Variants in SCG5 observed in about 807,000 individuals in gnomAD.
The protein encoded by SCG5 is neuroendocrine protein 7B2.
SCG5 carries 18 observed loss-of-function variants against 25.7 expected under a neutral mutation model. The ratio of observed to expected loss-of-function variants is 0.70; its 90% CI spans 0.48 to 1.04. The LOEUF (loss-of-function observed/expected upper bound fraction) is 1.04. SCG5 is among the 50% of genes least tolerant of loss of function. SCG5 has a pLI of 0.00. For synonymous variants in SCG5, 101 were observed against 91.7 expected (o/e 1.10, Z -0.58); for missense variants, 206 against 259.8 (o/e 0.79, Z 1.42).
In SCG5 at chr15:32,691,895, C is replaced by T; in HGVS notation, c.543+132C>T. On this transcript the variant is annotated intron_variant, in intron 5 of 5. Transcript: ENST00000300175. Reference sequence around the variant, plus strand: ...TGTGTAGTCCTGAGAAACACTGGTCCATGTGACAAGGGCCACACCCAGAAA... The same window carrying T: ...TGTGTAGTCCTGAGAAACACTGGTCTATGTGACAAGGGCCACACCCAGAAA... 3.3e-6 allele frequency: 5 copies of T among 1,501,604 alleles called. No homozygotes were observed. In the South Asian group the frequency reaches 5.2e-5, roughly 16 times the overall value. 93.0% of individuals were successfully genotyped at this position (1,501,604 alleles called of 1,614,324 possible). A position where few individuals can be genotyped will look rare whatever the true frequency, so the allele number is the denominator to read the frequency against.
chr15:32,678,927 C>T (rs546960216), intron 2 of SCG5, among the ~76,000 whole-genome samples: 6 of 152,266 alleles, frequency 3.9e-5, no homozygotes, highest in Middle Eastern at 3.4e-3. Flanking sequence ...TAAAAAGATA[C>T]GTAGCAACAA....
intron 4 of SCG5, among the ~76,000 whole-genome samples, chr15:32,689,572 G>C (rs543985356): frequency 6.6e-6 from 1 of 152,252 alleles, no homozygotes; most frequent in Non-Finnish European, 1.5e-5. Context: ...TACTCACATG[G>C]AAAACAGGCT....
intron 5 of SCG5, among the ~76,000 whole-genome samples, chr15:32,694,558 A>C (rs947321552): frequency 6.6e-6 from 1 of 152,258 alleles, no homozygotes; most frequent in Non-Finnish European, 1.5e-5. Flanking sequence ...TTAACATATT[A>C]GAATTTTTGG....
chr15:32,657,206 T>TATAC, intron 2 of SCG5, among the ~76,000 whole-genome samples: 1 of 74,930 alleles, frequency 1.3e-5, no homozygotes, highest in African/African-American at 5.3e-5. Flanking sequence ...CCTGTATATA[T>TATAC]ATATATGTAT....
intron 2 of SCG5, among the ~76,000 whole-genome samples, chr15:32,663,113 CA>C (rs1416751307): frequency 8.3e-6 from 1 of 120,560 alleles, no homozygotes. Flanking sequence ...CATATGTATA[CA>C]TATATACATA....
At position 32,684,583 on chromosome 15, in the gene SCG5, C is replaced by T; in HGVS notation, c.403C>T (p.Pro135Ser). 1.2e-6 allele frequency: 2 copies of T among 1,613,400 alleles called. No homozygotes were observed. Among genetic ancestry groups the T allele is most frequent in the Non-Finnish European group, 1.7e-6 (2 of 1,179,542 alleles). Residue 135 changes from proline (P) to serine (S), a missense_variant, in exon 4 of 6, where the codon CCT becomes TCT. Physicochemically the swap from Pro to Ser is moderately conservative, Grantham distance 74 (BLOSUM62 -1). Transcript: ENST00000300175. ...AGATGATGGATGTCTAGAAAACACCCCTGACACTGCAGAGTTCAGTCGAGA... is the reference window on the plus strand; with the variant it reads ...AGATGATGGATGTCTAGAAAACACCTCTGACACTGCAGAGTTCAGTCGAGA... ...TADDGCLENT[P>S]DTAEFSREFQ...
intron 2 of SCG5, among the ~76,000 whole-genome samples, chr15:32,674,717 C>T (rs560889165): frequency 1.2e-3 from 178 of 152,318 alleles, no homozygotes; most frequent in African/African-American, 4.0e-3. Context: ...TTGATCAGGT[C>T]TCCAAGGCCA....
rs140231121 is a variant in SCG5, at chr15:32,661,058, T to C, written c.226+17240T>C. On this transcript the variant is annotated intron_variant, in intron 2 of 5. Transcript: ENST00000300175. ...AAGCAAATATTTATTTTGTATCTAC[T>C]ATGTGCCAAACACTTTATGTATTGT... Among the ~76,000 whole-genome samples, 595 of 152,350 alleles carry C rather than the reference T, an allele frequency of 3.9e-3. 3 individuals are homozygous for C. The highest frequency in any genetic ancestry group is 4.0e-3 in the Non-Finnish European group (275 of 68,026).
chr15:32,674,284 G>T (rs2054493980), intron 2 of SCG5, among the ~76,000 whole-genome samples: 1 of 152,176 alleles, frequency 6.6e-6, no homozygotes, highest in Non-Finnish European at 1.5e-5. Flanking sequence ...AGAGATAAGT[G>T]AGATGGTACT....
At chr15:32,680,850 C>T (rs1019381756) in intron 3 of SCG5, among the ~76,000 whole-genome samples, 2 of 152,208 alleles carry the variant, frequency 1.3e-5, no homozygotes, top group Non-Finnish European at 2.9e-5. Flanking sequence ...GCTTCACTTA[C>T]ATCCGGCTTT....
intron 3 of SCG5, 199 bp from the exon 4 acceptor site, chr15:32,684,358 T>C (rs555818391): frequency 3.7e-6 from 2 of 544,622 alleles, no homozygotes; most frequent in Non-Finnish European, 6.5e-6. Context: ...AGCCAGTGAG[T>C]CTCTGCACAG....
intron 5 of SCG5, among the ~76,000 whole-genome samples, chr15:32,694,689 G>T (rs887905508): frequency 1.7e-4 from 26 of 152,224 alleles, no homozygotes; most frequent in Non-Finnish European, 1.0e-4. Context: ...GCAAGGTGTT[G>T]TCTTGTGGCA....
At chr15:32,649,596 G>GT (rs1196623940) in intron 2 of SCG5, among the ~76,000 whole-genome samples, 23 of 152,182 alleles carry the variant, frequency 1.5e-4, no homozygotes, top group African/African-American at 5.3e-4. Flanking sequence ...CCTCCTGGTC[G>GT]TTAATAGCTT....
intron 3 of SCG5, 69 bp from the exon 4 acceptor site, chr15:32,684,488 T>C: frequency 9.9e-7 from 1 of 1,006,044 alleles, no homozygotes; most frequent in East Asian, 2.6e-5. Flanking sequence ...TAGTTGTTTT[T>C]GATAAATTAA....
chr15:32,686,078 A>G (rs1422166360), intron 4 of SCG5, among the ~76,000 whole-genome samples: 6 of 152,248 alleles, frequency 3.9e-5, no homozygotes, highest in Non-Finnish European at 8.8e-5. Context: ...TTCCTGTCTT[A>G]AAACAACAAA....
chr15:32,695,862 A>G (rs1209964098), intron 5 of SCG5, among the ~76,000 whole-genome samples: 1 of 152,214 alleles, frequency 6.6e-6, no homozygotes, highest in African/African-American at 2.4e-5. Flanking sequence ...TATCTAAATT[A>G]GTAGCAAGGA....
intron 2 of SCG5, among the ~76,000 whole-genome samples, chr15:32,650,421 A>G (rs2054015910): frequency 6.6e-6 from 1 of 152,198 alleles, no homozygotes; most frequent in East Asian, 1.9e-4. Flanking sequence ...ATTTTTGATT[A>G]CTCATCAGTT....
chr15:32,694,057 C>T (rs2054912366), intron 5 of SCG5, among the ~76,000 whole-genome samples: 1 of 152,088 alleles, frequency 6.6e-6, no homozygotes, highest in Non-Finnish European at 1.5e-5. Context: ...TTGCAGTGAG[C>T]CGAGATCATA....
chr15:32,695,219 G>A (rs1205032280), intron 5 of SCG5, among the ~76,000 whole-genome samples: 1 of 151,986 alleles, frequency 6.6e-6, no homozygotes, highest in East Asian at 1.9e-4. Flanking sequence ...GTTTCACCGT[G>A]TTAGCCAGGA....
Sources: allele counts gnomAD v4.1 joint callset (sites outside exome capture counted in the v4.1 genomes callset), GRCh38; gene constraint gnomAD v4.1.1; transcripts MANE v1.5; gene names NCBI Gene and HGNC (gene_info 2026-07-23, HGNC 2026-07-21).